Variants in GABRA2 observed in about 807,000 individuals in gnomAD.
The protein encoded by GABRA2 is gamma-aminobutyric acid type A receptor subunit alpha2.
In GABRA2, 16 loss-of-function variants were observed where a neutral mutation model predicts 48.7. That is an observed-to-expected ratio of 0.33 (90% confidence interval 0.22 to 0.50). The LOEUF (loss-of-function observed/expected upper bound fraction) is 0.50. Among genes scored for constraint, GABRA2 ranks in the 20% least tolerant of loss-of-function variants. The pLI, the probability that GABRA2 is intolerant of heterozygous loss-of-function variation, is 0.98. For missense variants in GABRA2, 275 were observed against 535.6 expected (o/e 0.51, Z 4.80); for synonymous variants, 185 against 184.5 (o/e 1.00, Z -0.02).
intron 3 of GABRA2, chr4:46,364,377 T>TAGA (rs1282386946): frequency 8.2e-4 from 125 of 152,340 alleles, no homozygotes; most frequent in African/African-American, 2.8e-3. Context: ...AGTTTTCTAT[T>TAGA]GTTTAACAAA....
chr4:46,287,685 C>T (rs1007350083), intron 8 of GABRA2, among the ~76,000 whole-genome samples: 9 of 149,050 alleles, frequency 6.0e-5, no homozygotes, highest in African/African-American at 9.9e-5. Flanking sequence ...TGATAGATGA[C>T]GAGTTAGTGG....
At chr4:46,371,865 AC>A (rs1157390968) in intron 3 of GABRA2, among the ~76,000 whole-genome samples, 1 of 152,128 alleles carries the variant, frequency 6.6e-6, no homozygotes, top group Non-Finnish European at 1.5e-5. Flanking sequence ...CACTTAAAGG[AC>A]CCCTTCTCTT....
chr4:46,378,022 C>T (rs1248205205), intron 3 of GABRA2, among the ~76,000 whole-genome samples: 6 of 141,708 alleles, frequency 4.2e-5, no homozygotes, highest in South Asian at 2.2e-4. Flanking sequence ...CCGCCCCGTC[C>T]GGGAGGGAGG....
At chr4:46,319,984 G>T (rs983111485) in intron 4 of GABRA2, among the ~76,000 whole-genome samples, 3 of 151,630 alleles carry the variant, frequency 2.0e-5, no homozygotes, top group East Asian at 1.9e-4. Flanking sequence ...AAAAGACAGA[G>T]AGGCAAGATT....
rs1713205521 is a variant in GABRA2 at position 46,243,837 on chromosome 4, A to G, written c.*6471T>C. The stretch of plus-strand genomic sequence containing the variant: ...TGAAGGTTCCTCACATTCTCTCTGC[A>G]TGTGATCGTATTATTAATTTGTAGC... On this transcript the variant is annotated 3_prime_UTR_variant, in exon 10 of 10. Transcript: ENST00000381620. 1 of 151,604 alleles carries G rather than the reference A, an allele frequency of 6.6e-6. No individual in the cohort carries two copies. Among genetic ancestry groups the G allele is most frequent in the Non-Finnish European group, 1.5e-5 (1 of 67,680 alleles). The allele number at this position is 151,604 out of a possible 1,614,324, so 9.4% of individuals were successfully genotyped here. A position where few individuals can be genotyped will look rare whatever the true frequency, so the allele number is the denominator to read the frequency against.
In GABRA2 at chr4:46,303,581, G is replaced by A. The variant is rs543209130; in HGVS notation, c.735C>T (p.His245=). The change falls in exon 8 of 10, where the codon CAC becomes CAT. Residue 245 remains histidine (H), a synonymous_variant. Transcript: ENST00000381620. ...CAAAATACCCAATTTTTCTTTTCAG[G>A]TGGAAATGAGCTGTCATTACAGTAT... ...GEYTVMTAHF[H]LKRKIGYFVI... 6.2e-7 allele frequency: 1 copy of A among 1,613,528 alleles called. No individual in the cohort carries two copies. Among genetic ancestry groups the A allele is most frequent in the Non-Finnish European group, 8.5e-7 (1 of 1,179,530 alleles).
At chr4:46,289,107 G>A (rs1723104172) in intron 8 of GABRA2, among the ~76,000 whole-genome samples, 1 of 152,176 alleles carries the variant, frequency 6.6e-6, no homozygotes, top group Admixed American at 6.5e-5. Flanking sequence ...CTGTTGGTGT[G>A]AGTGTAAATT....
intron 3 of GABRA2, among the ~76,000 whole-genome samples, chr4:46,381,250 A>G (rs959752321): frequency 3.3e-5 from 5 of 152,228 alleles, no homozygotes; most frequent in Non-Finnish European, 7.3e-5. Context: ...GATCCGAAAT[A>G]ACAAATGTTG....
At chr4:46,388,987 C>G in intron 1 of GABRA2, 1 of 1,237,554 alleles carries the variant, frequency 8.1e-7, no homozygotes, top group Non-Finnish European at 1.0e-6. Context: ...AGACTTCTCT[C>G]TGCCAGGAAC....
chr4:46,267,694 G>A (rs970796703), intron 8 of GABRA2, among the ~76,000 whole-genome samples: 1 of 151,940 alleles, frequency 6.6e-6, no homozygotes, highest in Non-Finnish European at 1.5e-5. Context: ...TTAGTTAGGG[G>A]TTACTGAAGA....
chr4:46,324,089 C>G (rs1253428272), intron 4 of GABRA2, among the ~76,000 whole-genome samples: 2 of 151,924 alleles, frequency 1.3e-5, no homozygotes, highest in Non-Finnish European at 2.9e-5. Context: ...TCCACTCTTT[C>G]TCTATTTCCT....
intron 8 of GABRA2, among the ~76,000 whole-genome samples, chr4:46,301,567 A>C (rs1725737205): frequency 1.3e-5 from 2 of 152,106 alleles, no homozygotes; most frequent in African/African-American, 4.8e-5. Flanking sequence ...TTCATCCCTT[A>C]ATGTCACTGC....
intron 8 of GABRA2, among the ~76,000 whole-genome samples, chr4:46,273,156 C>T (rs1451333079): frequency 2.1e-5 from 3 of 145,896 alleles, no homozygotes; most frequent in Non-Finnish European, 4.5e-5. Flanking sequence ...TATTGTTTTT[C>T]CTTCCCTAGT....
chr4:46,342,715 A>C (rs1733480980), intron 3 of GABRA2, among the ~76,000 whole-genome samples: 1 of 152,058 alleles, frequency 6.6e-6, no homozygotes, highest in African/African-American at 2.4e-5. Context: ...TCATATGATC[A>C]CAACATCATA....
Position 46,388,681 on chromosome 4 carries a change from T to C in GABRA2, c.26A>G (p.Asn9Ser), listed in dbSNP as rs149542311. Residue 9 changes from asparagine (N) to serine (S), a missense_variant, in exon 2 of 10, where the codon AAC (asparagine) becomes AGC (serine). By Grantham distance (46) the Asn-to-Ser change is conservative. Transcript: ENST00000381620. Reference protein sequence around the residue: MKTKLNIYNMQFLLFVFLV... With the variant: MKTKLNIYSMQFLLFVFLV... ...GAAAACAAAAAGCAGGAACTGCATG[T>C]TGTAGATGTTCAATTTTGTCTTCAT... 42 of 1,614,102 alleles carry C rather than the reference T, an allele frequency of 2.6e-5. No individual in the cohort carries two copies. In the African/African-American group the frequency reaches 4.3e-4, roughly 16 times the overall value.
intron 4 of GABRA2, among the ~76,000 whole-genome samples, chr4:46,330,118 A>C (rs1395977085): frequency 1.3e-5 from 2 of 152,102 alleles, no homozygotes; most frequent in Admixed American, 1.3e-4. Flanking sequence ...TTTTATTTAA[A>C]TGTTATCAAC....
At chr4:46,273,538 AG>A (rs1719907485) in intron 8 of GABRA2, among the ~76,000 whole-genome samples, 1 of 22,130 alleles carries the variant, frequency 4.5e-5, no homozygotes, top group Admixed American at 4.1e-4. Context: ...TATATATATG[AG>A]AGAGAGAGGG....
At chr4:46,261,884 G>T (rs765684890) in intron 9 of GABRA2, 42 bp downstream of exon 9, 31 of 1,460,922 alleles carry the variant, frequency 2.1e-5, no homozygotes, top group Non-Finnish European at 2.9e-5. Flanking sequence ...GAATTCATTA[G>T]GGTATTTTCT....
intron 3 of GABRA2, among the ~76,000 whole-genome samples, chr4:46,344,721 G>C (rs369266111): frequency 3.3e-5 from 5 of 151,702 alleles, no homozygotes; most frequent in African/African-American, 1.2e-4. Flanking sequence ...GGAGGGAAGA[G>C]AGAACATCCT....
Sources: gnomAD v4.1 joint callset for allele counts (sites outside exome capture counted in the v4.1 genomes callset) on GRCh38, gnomAD v4.1.1 for gene constraint, MANE v1.5 for transcripts, NCBI Gene and HGNC (gene_info 2026-07-23, HGNC 2026-07-21) for gene names.